Variants in DMD observed in about 807,000 individuals in gnomAD.
The protein encoded by DMD is dystrophin, also known as mutant dystrophin.
Under a neutral mutation model 330.1 loss-of-function variants are expected in DMD, and 63 were observed. The ratio of observed to expected loss-of-function variants is 0.19; its 90% confidence interval spans 0.16 to 0.24. The LOEUF (loss-of-function observed/expected upper bound fraction) is 0.24, where lower values mean the gene tolerates loss of function less well. Among genes scored for constraint, DMD ranks in the 10% least tolerant of loss-of-function variants. The pLI, the probability that DMD is intolerant of heterozygous loss-of-function variation, is 1.00. For synonymous variants in DMD, 1,223 were observed against 959.8 expected (o/e 1.27, Z -5.07); for missense variants, 3,344 against 2,684.1 (o/e 1.25, Z -5.43).
chrX:33,062,220 A>C (rs1275932967), intron 1 of DMD, among the ~76,000 whole-genome samples: 3 of 112,113 alleles, frequency 2.7e-5, no homozygotes, highest in African/African-American at 9.7e-5. Flanking sequence ...ATTAAAATGC[A>C]GGAACTCTGA....
At chrX:31,638,925 G>A (rs112870072) in intron 54 of DMD, among the ~76,000 whole-genome samples, 11,298 of 111,432 alleles carry the variant, frequency 0.1, 512 homozygotes, top group Middle Eastern at 0.19. Flanking sequence ...ATAGATGAGT[G>A]TTATCACCAC....
Position 32,883,846 on chromosome X carries a change from A to AGAAAAG in DMD, c.94-34027_94-34026insCTTTTC, listed in dbSNP as rs768177600. On this transcript the variant is annotated intron_variant, in intron 2 of 78. Transcript: ENST00000357033. ...TTCAAAAAAAAAAAAAAAAAAAAAA[A>AGAAAAG]AAAAAGAAAATGACTTCCATTTTAT... Among the ~76,000 whole-genome samples, 490 of 101,954 alleles carry AGAAAAG rather than the reference A, an allele frequency of 4.8e-3. 8 individuals carry two copies. The highest frequency in any genetic ancestry group is 0.017 in the African/African-American group (471 of 27,137). 88.5% of individuals were successfully genotyped at this position (101,954 alleles called of 115,157 possible).
chrX:32,044,556 A>G (rs1030005082), intron 44 of DMD, among the ~76,000 whole-genome samples: 8 of 110,063 alleles, frequency 7.3e-5, no homozygotes, highest in East Asian at 2.9e-4. Flanking sequence ...CAAGTAGCTG[A>G]GACTACAGGT....
chrX:32,157,097 A>G (rs1427196068), intron 44 of DMD, among the ~76,000 whole-genome samples: 1 of 112,395 alleles, frequency 8.9e-6, no homozygotes. Flanking sequence ...TTTAATAAAC[A>G]GCGTAATTAA....
At chrX:31,832,197 T>TA (rs1047198274) in intron 49 of DMD, among the ~76,000 whole-genome samples, 1 of 112,417 alleles carries the variant, frequency 8.9e-6, no homozygotes, top group African/African-American at 3.2e-5. Flanking sequence ...GTTTTAAGTG[T>TA]AATTATATTT....
At chrX:32,449,986 T>C (rs2098323406) in intron 26 of DMD, among the ~76,000 whole-genome samples, 1 of 110,897 alleles carries the variant, frequency 9.0e-6, no homozygotes, top group South Asian at 3.7e-4. Flanking sequence ...CTGAGAAATA[T>C]ATGCCTGCGG....
At chrX:31,788,481 G>T (rs1335094035) in intron 50 of DMD, among the ~76,000 whole-genome samples, 3 of 111,394 alleles carry the variant, frequency 2.7e-5, no homozygotes, top group African/African-American at 9.8e-5. Context: ...GACTCATTTT[G>T]TGGCCTAACA....
At chrX:31,973,714 A>G (rs2077583837) in intron 44 of DMD, among the ~76,000 whole-genome samples, 1 of 111,783 alleles carries the variant, frequency 8.9e-6, no homozygotes. Flanking sequence ...CCCTCTTTCT[A>G]GAGGACTTTT....
At chrX:32,796,802 A>G (rs2076214550) in intron 7 of DMD, among the ~76,000 whole-genome samples, 1 of 112,095 alleles carries the variant, frequency 8.9e-6, no homozygotes, top group Non-Finnish European at 1.9e-5. Context: ...TTTAAAATAA[A>G]ATGACAAGAC....
At chrX:31,929,083 C>T (rs1472453058) in intron 47 of DMD, among the ~76,000 whole-genome samples, 1 of 111,781 alleles carries the variant, frequency 8.9e-6, no homozygotes, top group Non-Finnish European at 1.9e-5. Flanking sequence ...AATAGTATTA[C>T]TGTTAGATTT....
chrX:31,509,160 T>G (rs1383018024), intron 55 of DMD, among the ~76,000 whole-genome samples: 1 of 111,652 alleles, frequency 9.0e-6, no homozygotes, highest in African/African-American at 3.3e-5. Context: ...TATAGCCTGA[T>G]TTTGAAAGTA....
At chrX:32,441,470 A>G (rs751298521) in intron 27 of DMD, among the ~76,000 whole-genome samples, 156 bp from the exon 28 acceptor site, 1 of 111,748 alleles carries the variant, frequency 8.9e-6, no homozygotes, top group African/African-American at 3.2e-5. Context: ...AGACAGTTTC[A>G]TCATCTAATA....
chrX:33,296,413 G>T (rs1270426708), intron 1 of DMD, among the ~76,000 whole-genome samples: 1 of 110,391 alleles, frequency 9.1e-6, no homozygotes, highest in Non-Finnish European at 1.9e-5. Flanking sequence ...TCACATTTTT[G>T]AATTTATGTC....
chrX:32,014,206 T>C (rs1232937808), intron 44 of DMD, among the ~76,000 whole-genome samples: 1 of 112,067 alleles, frequency 8.9e-6, no homozygotes, highest in African/African-American at 3.2e-5. Flanking sequence ...CTGAAGTAAT[T>C]CATGGGGTCA....
chrX:33,138,011 C>T (rs751860811), intron 1 of DMD, among the ~76,000 whole-genome samples: 11 of 111,111 alleles, frequency 9.9e-5, no homozygotes, highest in African/African-American at 3.6e-4. Flanking sequence ...CTCAGCAATC[C>T]TATGAGGTAG....
chrX:31,153,461 C>A (rs1730699202), intron 74 of DMD, among the ~76,000 whole-genome samples: 1 of 105,691 alleles, frequency 9.5e-6, no homozygotes, highest in Non-Finnish European at 1.9e-5. Context: ...AATTTAGCCC[C>A]ACTTACTTTT....
chrX:32,202,550 C>T (rs1352909378), intron 44 of DMD, among the ~76,000 whole-genome samples: 2 of 111,399 alleles, frequency 1.8e-5, no homozygotes, highest in Non-Finnish European at 3.8e-5. Flanking sequence ...TGGGGTTTCG[C>T]CATGTTGGCC....
At chrX:31,997,954 T>C (rs2095600289) in intron 44 of DMD, among the ~76,000 whole-genome samples, 1 of 111,619 alleles carries the variant, frequency 9.0e-6, no homozygotes, top group Non-Finnish European at 1.9e-5. Flanking sequence ...AAGCACTTTA[T>C]GGAATTCATC....
chrX:33,133,671 T>C (rs534556165), intron 1 of DMD, among the ~76,000 whole-genome samples: 39 of 112,025 alleles, frequency 3.5e-4, no homozygotes, highest in African/African-American at 1.2e-3. Context: ...GCTATGATTT[T>C]GGCTTCTCTC....
Sources: gnomAD v4.1 joint callset for allele counts (sites outside exome capture counted in the v4.1 genomes callset) on GRCh38, gnomAD v4.1.1 for gene constraint, MANE v1.5 for transcripts, NCBI Gene and HGNC (gene_info 2026-07-23, HGNC 2026-07-21) for gene names.